The following FGF12 variants were observed in gnomAD, a reference collection of about 807,000 sequenced individuals.
FGF12 encodes the protein fibroblast growth factor 12.
FGF12 carries 14 observed loss-of-function variants against 23.6 expected under a neutral mutation model. The ratio of observed to expected loss-of-function variants is 0.59; its 90% CI spans 0.39 to 0.93. The LOEUF is 0.93. FGF12 is among the 40% of genes least tolerant of loss of function. FGF12 has a pLI of 0.00. For synonymous variants in FGF12, 62 were observed against 77.3 expected, an observed-to-expected ratio of 0.80 and a Z score of 1.04; for missense variants, 175 against 217.8, an observed-to-expected ratio of 0.80 and a Z score of 1.24.
At chr3:192,190,468 CTTTTTTTTTTTTTTTTT>C (rs34108891) in intron 4 of FGF12, among the ~76,000 whole-genome samples, 1 of 89,104 alleles carries the variant, frequency 1.1e-5, no homozygotes, top group East Asian at 4.0e-4. Context: ...GCCCAATACT[CTTTTTTTTTTTTTTTTT>C]TTTTTTTTGA....
rs143804775 is a variant in FGF12 at position 192,415,891 on chromosome 3, G to T, written c.14-55353C>A. Among the ~76,000 whole-genome samples the T allele has an allele frequency of 2.5e-3, 386 of 151,952 alleles. 4 individuals carry two copies. Among genetic ancestry groups the T allele is most frequent in the African/African-American group, 9.0e-3 (375 of 41,468 alleles). ...AATATGACTAAAATGACCTTAAAAT[G>T]GTTTAATAATCTTCACATTCATACT... On this transcript the variant is annotated intron_variant, in intron 2 of 5. Transcript: ENST00000445105.
intron 2 of FGF12, among the ~76,000 whole-genome samples, chr3:192,603,850 G>C (rs958730865): frequency 1.3e-5 from 2 of 152,080 alleles, no homozygotes; most frequent in African/African-American, 2.4e-5. Flanking sequence ...CAGAAAACAG[G>C]GTTCGAGAGC....
intron 2 of FGF12, among the ~76,000 whole-genome samples, chr3:192,582,256 C>A (rs1713186704): frequency 6.6e-6 from 1 of 152,126 alleles, no homozygotes; most frequent in Non-Finnish European, 1.5e-5. Flanking sequence ...CTGCCATAGA[C>A]TGTTAACATA....
chr3:192,244,873 G>C (rs188937062), intron 4 of FGF12: 1 of 152,088 alleles, frequency 6.6e-6, no homozygotes, highest in Non-Finnish European at 1.5e-5. Context: ...AGAGCCCTTC[G>C]AGTCTGAGTT....
intron 2 of FGF12, among the ~76,000 whole-genome samples, chr3:192,567,795 TTCTTTCTC>T (rs1444881032): frequency 5.6e-5 from 8 of 142,096 alleles, no homozygotes; most frequent in African/African-American, 8.0e-5. Flanking sequence ...CTTTCTTTCT[TTCTTTCTC>T]TTTCTTTCTT....
intron 5 of FGF12, among the ~76,000 whole-genome samples, chr3:192,160,292 T>A (rs187349145): frequency 1.3e-5 from 2 of 152,146 alleles, no homozygotes; most frequent in African/African-American, 4.8e-5. Flanking sequence ...CCTCAATTTA[T>A]AGTCTTTCCT....
intron 5 of FGF12, among the ~76,000 whole-genome samples, chr3:192,166,952 T>TC (rs368845465): frequency 4.0e-4 from 61 of 151,850 alleles, no homozygotes; most frequent in African/African-American, 1.4e-3. Context: ...GCATTTTTTT[T>TC]CCCAGAACAA....
At chr3:192,367,900 G>A (rs6444634) in intron 2 of FGF12, among the ~76,000 whole-genome samples, 95,875 of 152,086 alleles carry the variant, frequency 0.63, 32,747 homozygotes, top group East Asian at 0.93. Flanking sequence ...GCTGAGGGCC[G>A]TGAATCAACC....
intron 2 of FGF12, among the ~76,000 whole-genome samples, chr3:192,425,290 G>A (rs944070220): frequency 5.3e-5 from 8 of 152,148 alleles, no homozygotes; most frequent in Non-Finnish European, 1.0e-4. Context: ...TGGGCTCTGT[G>A]CTGGGATGTT....
At chr3:192,628,376 TA>T (rs1285097507) in intron 2 of FGF12, among the ~76,000 whole-genome samples, 1 of 149,828 alleles carries the variant, frequency 6.7e-6, no homozygotes, top group Non-Finnish European at 1.5e-5. Flanking sequence ...GAGCATAACA[TA>T]AATAAAAACT....
chr3:192,149,518 T>A (rs1014376501), intron 5 of FGF12, among the ~76,000 whole-genome samples: 1 of 111,440 alleles, frequency 9.0e-6, no homozygotes, highest in Non-Finnish European at 1.9e-5. Context: ...CCTGTGTCCA[T>A]GTGATCTCAT....
At chr3:192,718,368 G>T (rs531006857) in intron 2 of FGF12, among the ~76,000 whole-genome samples, 1 of 151,944 alleles carries the variant, frequency 6.6e-6, no homozygotes, top group South Asian at 2.1e-4. Context: ...CATCAAGTTC[G>T]CCAAAAGAGA....
intron 2 of FGF12, among the ~76,000 whole-genome samples, chr3:192,517,609 G>A (rs1349009982): frequency 6.6e-6 from 1 of 152,142 alleles, no homozygotes; most frequent in Non-Finnish European, 1.5e-5. Context: ...TGAGCTTTCA[G>A]GTGAGTTCAG....
At chr3:192,700,549 AC>A (rs1333856859) in intron 2 of FGF12, among the ~76,000 whole-genome samples, 1 of 152,236 alleles carries the variant, frequency 6.6e-6, no homozygotes, top group Non-Finnish European at 1.5e-5. Flanking sequence ...TAACTACTTA[AC>A]ATGTTTGAGC....
chr3:192,364,644 G>A (rs563560259), intron 2 of FGF12, among the ~76,000 whole-genome samples: 20 of 152,190 alleles, frequency 1.3e-4, no homozygotes, highest in East Asian at 3.9e-4. Context: ...CCTTAACACC[G>A]GCCAGATTAA....
chr3:192,284,599 C>T (rs1714341761), intron 4 of FGF12, among the ~76,000 whole-genome samples: 1 of 152,032 alleles, frequency 6.6e-6, no homozygotes, highest in Admixed American at 6.6e-5. Flanking sequence ...AAGCAGGTCA[C>T]ACTGCAGAAC....
chr3:192,221,447 T>A (rs1718472346), intron 4 of FGF12, among the ~76,000 whole-genome samples: 1 of 152,170 alleles, frequency 6.6e-6, no homozygotes, highest in African/African-American at 2.4e-5. Flanking sequence ...GACACTATTA[T>A]ACCTGTAAGC....
chr3:192,190,275 TTTATGTTTCAAAAATTCC>T (rs1375946186), intron 4 of FGF12, among the ~76,000 whole-genome samples: 2 of 152,052 alleles, frequency 1.3e-5, no homozygotes, highest in Non-Finnish European at 2.9e-5. Context: ...AGTATGAAGT[TTTATGTTTCAAAAATTCC>T]TTATGTTTCA....
At chr3:192,372,941 T>C (rs55726836) in intron 2 of FGF12, among the ~76,000 whole-genome samples, 10,993 of 152,252 alleles carry the variant, frequency 0.072, 451 homozygotes, top group South Asian at 0.12. Context: ...TATTCAGACC[T>C]AGGGATTTTT....
Sources: gnomAD v4.1 joint callset for allele counts (sites outside exome capture counted in the v4.1 genomes callset) on GRCh38, gnomAD v4.1.1 for gene constraint, MANE v1.5 for transcripts, NCBI Gene and HGNC (gene_info 2026-07-23, HGNC 2026-07-21) for gene names.